TGM4: variants seen among roughly 807,000 people sequenced by gnomAD.
The protein encoded by TGM4 is transglutaminase 4, also known as protein-glutamine gamma-glutamyltransferase 4.
Under a neutral mutation model 76.3 loss-of-function variants are expected in TGM4, and 61 were observed. That is an observed-to-expected ratio of 0.80 (90% CI 0.65 to 0.99). TGM4 has a LOEUF of 0.99. TGM4 is among the 50% of genes least tolerant of loss of function. The probability of loss-of-function intolerance (pLI) is 0.00; values close to 1 mark genes in which losing one functional copy is unlikely to be tolerated. For synonymous variants in TGM4, 337 were observed against 329.8 expected, an observed-to-expected ratio of 1.02 and a Z score of -0.24; for missense variants, 794 against 843.2, an observed-to-expected ratio of 0.94 and a Z score of 0.72.
At chr3:44,874,822 C>T (rs559764230) in intron 1 of TGM4, 125 bp downstream of exon 1, 72 of 1,125,990 alleles carry the variant, frequency 6.4e-5, no homozygotes, top group Admixed American at 2.4e-4. Flanking sequence ...GGCCCTGGTG[C>T]TGCTTGCTTT....
chr3:44,898,275 T>C (rs369724819), intron 6 of TGM4, among the ~76,000 whole-genome samples: 3,310 of 75,810 alleles, frequency 0.044, 67 homozygotes, highest in Middle Eastern at 0.1. Flanking sequence ...AGCGAGACTC[T>C]GTCTCAAAAA....
At position 44,910,148 on chromosome 3, in the gene TGM4, G is replaced by C. The variant is rs1242541197; in HGVS notation, c.1386G>C (p.Arg462Ser). Residue 462 changes from arginine (R) to serine (S), a missense_variant, in exon 11 of 14, where the codon AGG (arginine) becomes AGC (serine). Arg to Ser is a moderately radical substitution (Grantham distance 110). Transcript: ENST00000296125. ...CCTTCCTCCTTCTCAGTTCTGAGAG[G>C]GAGCACAGACGACCTGTAAAAGAGA... ...DHAFLLLSSE[R>S]EHRRPVKENF... 6.2e-7 allele frequency: 1 copy of C among 1,614,168 alleles called. No individual in the cohort carries two copies. The highest frequency in any genetic ancestry group is 8.5e-7 in the Non-Finnish European group (1 of 1,180,026).
At chr3:44,903,622 T>C (rs1699882660) in intron 8 of TGM4, 1 of 480,394 alleles carries the variant, frequency 2.1e-6, no homozygotes, top group East Asian at 3.7e-5. Context: ...CTCTTTGAAA[T>C]CCATAGGCAG....
intron 6 of TGM4, among the ~76,000 whole-genome samples, chr3:44,897,918 C>A (rs1376860215): frequency 6.6e-6 from 1 of 152,174 alleles, no homozygotes; most frequent in Admixed American, 6.6e-5. Flanking sequence ...AATTTCATAT[C>A]TGCTTCTGCA....
chr3:44,886,112 G>A (rs13072935), intron 2 of TGM4, among the ~76,000 whole-genome samples: 23,959 of 152,166 alleles, frequency 0.16, 2,568 homozygotes, highest in Non-Finnish European at 0.23. Flanking sequence ...GGGAGGCCGA[G>A]GCAGGCAGAT....
At chr3:44,880,424 T>A (rs918101749) in intron 1 of TGM4, among the ~76,000 whole-genome samples, 5 of 152,170 alleles carry the variant, frequency 3.3e-5, no homozygotes, top group African/African-American at 1.2e-4. Context: ...GTTTGAAATT[T>A]TTCATAACCG....
chr3:44,912,993 G>A (rs1700025125), intron 13 of TGM4, among the ~76,000 whole-genome samples: 1 of 152,204 alleles, frequency 6.6e-6, no homozygotes, highest in Admixed American at 6.5e-5. Flanking sequence ...TTTCTTACAG[G>A]ATGTCTGAAT....
rs763972436 is a variant in TGM4 at position 44,910,294 on chromosome 3, A to G, written c.1532A>G (p.Glu511Gly). ...LQNVNILGSF[E>G]LQLYTGKKMA... ...AATGTCAACATCTTGGGCTCCTTTGAACTACAGTTGTACACTGGCAAGAAG... is the reference window on the plus strand; with the variant it reads ...AATGTCAACATCTTGGGCTCCTTTGGACTACAGTTGTACACTGGCAAGAAG... The change falls in exon 11 of 14, where the codon GAA becomes GGA. Residue 511 changes from glutamate (E) to glycine (G), a missense_variant. Physicochemically the swap from Glu to Gly is moderately conservative, Grantham distance 98. Transcript: ENST00000296125. 11 of 1,614,062 alleles carry G rather than the reference A, an allele frequency of 6.8e-6. No individual in the cohort carries two copies. Among genetic ancestry groups the G allele is most frequent in the Non-Finnish European group, 9.3e-6 (11 of 1,180,036 alleles).
intron 4 of TGM4, among the ~76,000 whole-genome samples, chr3:44,891,761 T>G (rs1419848389): frequency 1.3e-5 from 2 of 150,682 alleles, no homozygotes; most frequent in East Asian, 3.9e-4. Context: ...CATCACGAGG[T>G]TGGGAGATCG....
chr3:44,893,601 A>T lies in TGM4; in HGVS notation c.455A>T (p.Glu152Val). ...CKEDMVFMPD[E>V]DERKEYILND... ...GAGGACATGGTTTTCATGCCTGATG[A>T]GGACGAGCGCAAAGAGTACATCCTC... is the stretch of plus-strand genomic sequence containing the variant. Residue 152 changes from glutamate (E) to valine (V), a missense_variant, in exon 5 of 14, where the codon GAG becomes GTG. Coordinates refer to ENST00000296125, the MANE Select transcript of TGM4 (RefSeq NM_003241.4). 1 of 1,613,838 alleles carries T rather than the reference A, an allele frequency of 6.2e-7. No individual in the cohort carries two copies. Among genetic ancestry groups the T allele is most frequent in the Non-Finnish European group, 8.5e-7 (1 of 1,179,852 alleles).
chr3:44,877,441 AAAAT>A (rs1699465313), intron 1 of TGM4, among the ~76,000 whole-genome samples: 1 of 152,192 alleles, frequency 6.6e-6, no homozygotes, highest in Middle Eastern at 3.4e-3. Flanking sequence ...CTTTGTCTCA[AAAAT>A]AAATAAATAA....
chr3:44,890,044 C>T (rs770017256), intron 3 of TGM4, among the ~76,000 whole-genome samples: 20 of 152,034 alleles, frequency 1.3e-4, no homozygotes, highest in African/African-American at 3.9e-4. Flanking sequence ...TGAGAGAGAG[C>T]GAGAAAGAGC....
chr3:44,913,669 A>C lies in TGM4; in HGVS notation c.1999A>C (p.Ser667Arg). 1 of 1,614,254 alleles carries C rather than the reference A, an allele frequency of 6.2e-7. No homozygotes were observed. The highest frequency in any genetic ancestry group is 8.5e-7 in the Non-Finnish European group (1 of 1,180,048). ...TGPKKFIVKL[S>R]SKQVKEINAQ... ...ACCCAAGAAATTTATCGTCAAGTTA[A>C]GTTCCAAACAAGTGAAAGAGATTAA... The change falls in exon 14 of 14, where the codon AGT (serine) becomes CGT (arginine). Residue 667 changes from serine (S) to arginine (R), a missense_variant. Ser to Arg is a moderately radical substitution (Grantham distance 110). Transcript: ENST00000296125.
At position 44,903,710 on chromosome 3, in the gene TGM4, G is replaced by C. The variant is rs551859523; in HGVS notation, c.972-174G>C. The stretch of plus-strand genomic sequence containing the variant: ...GCCCTGGGAGGCTTTCTGAGAGGCA[G>C]GTGGGACTCACCGGTGGCCCCTTCC... On this transcript the variant is annotated intron_variant, in intron 8 of 13. Transcript: ENST00000296125. 8.4e-4 allele frequency: 538 copies of C among 637,934 alleles called. 1 individual carries two copies. Among genetic ancestry groups the C allele is most frequent in the Non-Finnish European group, 1.4e-3 (486 of 352,234 alleles). The allele number at this position is 637,934 out of a possible 1,614,324, so 39.5% of individuals were successfully genotyped here.
In TGM4 at chr3:44,907,099, T is replaced by G; in HGVS notation, c.1226T>G (p.Val409Gly). Residue 409 changes from valine to glycine, a missense_variant, in exon 10 of 14, where the codon GTA (valine) becomes GGA (glycine). By Grantham distance (109) the Val-to-Gly change is moderately radical. Coordinates refer to ENST00000296125, the MANE Select transcript of TGM4 (RefSeq NM_003241.4). ...KMVNGQEELH[V>G]ISMETTSIGK... Reference sequence around the variant, plus strand: ...GTGAATGGGCAGGAGGAGTTACACGTAATTTCAATGGAGACCACAAGCATC... The same window carrying G: ...GTGAATGGGCAGGAGGAGTTACACGGAATTTCAATGGAGACCACAAGCATC... The G allele has an allele frequency of 6.2e-7, 1 of 1,614,116 alleles. No individual in the cohort carries two copies. The highest frequency in any genetic ancestry group is 8.5e-7 in the Non-Finnish European group (1 of 1,180,020).
intron 12 of TGM4, 38 bp downstream of exon 12, chr3:44,911,165 T>A (rs533385296): frequency 6.2e-7 from 1 of 1,610,922 alleles, no homozygotes; most frequent in African/African-American, 1.3e-5. Context: ...TCCTTCTGCC[T>A]GGAAGTTGGC....
intron 1 of TGM4, among the ~76,000 whole-genome samples, chr3:44,884,051 C>A (rs1441435123): frequency 6.6e-6 from 1 of 152,220 alleles, no homozygotes; most frequent in Non-Finnish European, 1.5e-5. Context: ...ATCAAGGAAG[C>A]TGCTGGAGAG....
chr3:44,904,820 T>A (rs1485515457), intron 9 of TGM4, among the ~76,000 whole-genome samples: 2 of 151,880 alleles, frequency 1.3e-5, no homozygotes, highest in Non-Finnish European at 2.9e-5. Flanking sequence ...TAGCTGGGAC[T>A]ACAGGTGCAC....
At chr3:44,898,856 C>G (rs1320566715) in intron 6 of TGM4, among the ~76,000 whole-genome samples, 1 of 152,180 alleles carries the variant, frequency 6.6e-6, no homozygotes, top group Non-Finnish European at 1.5e-5. Context: ...TTCCCCTTCA[C>G]CCCCATGCTG....
Sources: allele counts gnomAD v4.1 joint callset (sites outside exome capture counted in the v4.1 genomes callset), GRCh38; gene constraint gnomAD v4.1.1; transcripts MANE v1.5; gene names NCBI Gene and HGNC (gene_info 2026-07-23, HGNC 2026-07-21).